The following USP54 variants were observed in gnomAD, a reference collection of about 807,000 sequenced individuals.
The protein encoded by USP54 is ubiquitin specific peptidase 54.
USP54 carries 87 observed loss-of-function variants against 170.5 expected under a neutral mutation model. The ratio of observed to expected loss-of-function variants is 0.51; its 90% CI spans 0.43 to 0.61. The LOEUF (loss-of-function observed/expected upper bound fraction) is 0.61, where lower values mean the gene tolerates loss of function less well. USP54 is among the 20% of genes least tolerant of loss of function. The pLI is 0.00. For missense variants in USP54, 1,786 were observed against 2,047.8 expected (o/e 0.87, Z 2.47); for synonymous variants, 655 against 742.8 (o/e 0.88, Z 1.92).
chr10:73,509,513 G>C (rs1383850592), intron 20 of USP54, among the ~76,000 whole-genome samples: 1 of 151,746 alleles, frequency 6.6e-6, no homozygotes, highest in Non-Finnish European at 1.5e-5. Flanking sequence ...TACTCAGGAG[G>C]CTGAGGCAGG....
At chr10:73,580,370 C>T (rs1339494875) in intron 1 of USP54, among the ~76,000 whole-genome samples, 3 of 150,236 alleles carry the variant, frequency 2.0e-5, no homozygotes, top group Non-Finnish European at 4.4e-5. Context: ...AAATGACACA[C>T]TTGGCAGTTA....
chr10:73,612,891 C>T (rs938377791), intron 1 of USP54, among the ~76,000 whole-genome samples: 3 of 149,006 alleles, frequency 2.0e-5, no homozygotes, highest in Non-Finnish European at 3.0e-5. Context: ...CGTGGTGGCA[C>T]ACACCTGTTA....
chr10:73,592,471 CA>C (rs367984467), upstream of USP54, among the ~76,000 whole-genome samples: 10,467 of 67,436 alleles, frequency 0.16, 428 homozygotes, highest in African/African-American at 0.27. Context: ...GAAAGTGCCA[CA>C]AAAAAAAAAA....
intron 16 of USP54, among the ~76,000 whole-genome samples, chr10:73,525,099 T>C (rs1413205812): frequency 1.3e-5 from 2 of 152,246 alleles, no homozygotes; most frequent in Non-Finnish European, 2.9e-5. Context: ...ATGCATAGTA[T>C]GACTTCATCT....
chr10:73,526,617 A>G, intron 16 of USP54, 30 bp downstream of exon 16: 1 of 1,612,124 alleles, frequency 6.2e-7, no homozygotes, highest in Non-Finnish European at 8.5e-7. Context: ...GGTCAAATCC[A>G]GTCCTCAAAT....
At chr10:73,525,210 C>T (rs1371437396) in intron 16 of USP54, among the ~76,000 whole-genome samples, 1 of 152,150 alleles carries the variant, frequency 6.6e-6, no homozygotes, top group Admixed American at 6.5e-5. Flanking sequence ...GCAATGGTAA[C>T]ACTGGCTCCT....
In USP54 at chr10:73,517,618, T is replaced by C. The variant is rs1207439874; in HGVS notation, c.2808A>G (p.Leu936=). 2 of 1,614,104 alleles carry C rather than the reference T, an allele frequency of 1.2e-6. No individual in the cohort carries two copies. The highest frequency in any genetic ancestry group is 1.6e-4 in the Middle Eastern group (1 of 6,062). ...PASCHESHSS[L]SPESSAPQHS... ...GCTGTGGGGCAGATGACTCTGGAGA[T>C]AGTGATGAGTGTGACTCATGGCAGG... is the stretch of plus-strand genomic sequence containing the variant. The change falls in exon 20 of 24, where the codon CTA becomes CTG. Residue 936 remains leucine, a synonymous_variant. Transcript: ENST00000687698.
intron 1 of USP54, among the ~76,000 whole-genome samples, chr10:73,601,559 TG>T (rs1182677440): frequency 5.3e-5 from 8 of 152,078 alleles, no homozygotes; most frequent in Non-Finnish European, 1.0e-4. Context: ...AATCATTTCC[TG>T]CTTCTCCCAG....
rs552531200 is a variant in USP54, at chr10:73,552,345, G to A, written c.241-6673C>T. ...GGAGAATTGCTTGAACCTAGGAGGCGGAGGTTGCAGTGAGCTGAGATCGTA... is the reference window on the plus strand; with the variant it reads ...GGAGAATTGCTTGAACCTAGGAGGCAGAGGTTGCAGTGAGCTGAGATCGTA... On this transcript the variant is annotated intron_variant, in intron 4 of 23. Coordinates refer to ENST00000687698, the MANE Select transcript of USP54 (RefSeq NM_001391956.1). Among the ~76,000 whole-genome samples, 31 of 151,796 alleles carry A rather than the reference G, an allele frequency of 2.0e-4. No individual in the cohort carries two copies. The South Asian group carries it at 5.2e-3, about 26-fold the overall frequency.
At chr10:73,534,863 G>C in intron 11 of USP54, 93 bp from the exon 12 acceptor site, 1 of 1,223,496 alleles carries the variant, frequency 8.2e-7, no homozygotes, top group Non-Finnish European at 1.2e-6. Flanking sequence ...AGCTCCATAA[G>C]GCAAGAACTT....
chr10:73,574,811 T>C (rs770486436), intron 3 of USP54, among the ~76,000 whole-genome samples: 2 of 150,270 alleles, frequency 1.3e-5, no homozygotes, highest in African/African-American at 2.5e-5. Context: ...GGAGCTGTGA[T>C]TGGGCCACTA....
In USP54 at chr10:73,575,822, A is replaced by G. The variant is rs2076043058; in HGVS notation, c.-42T>C. The G allele has an allele frequency of 7.6e-6, 6 of 786,066 alleles. No homozygotes were observed. Among genetic ancestry groups the G allele is most frequent in the Non-Finnish European group, 9.5e-6 (5 of 526,796 alleles). The allele number at this position is 786,066 out of a possible 1,614,324, so 48.7% of individuals were successfully genotyped here. A position where few individuals can be genotyped will look rare whatever the true frequency, so the allele number is the denominator to read the frequency against. On this transcript the variant is annotated 5_prime_UTR_variant, in exon 2 of 24. Coordinates refer to ENST00000687698, the MANE Select transcript of USP54 (RefSeq NM_001391956.1). ...CCTTCCAAATATCATCTGTGTAGTC[A>G]AGGGACTCAGGTATCCTCCTAGATC...
intron 4 of USP54, among the ~76,000 whole-genome samples, chr10:73,565,463 C>G (rs1474816006): frequency 3.9e-5 from 6 of 152,074 alleles, no homozygotes; most frequent in African/African-American, 1.2e-4. Context: ...CTGCAGTGAA[C>G]CATAATAGCC....
intron 3 of USP54, among the ~76,000 whole-genome samples, chr10:73,572,020 G>A (rs182756392): frequency 5.3e-5 from 8 of 152,032 alleles, no homozygotes; most frequent in Non-Finnish European, 1.0e-4. Flanking sequence ...TGTTGAAATG[G>A]GAAAAAAATA....
intron 1 of USP54, among the ~76,000 whole-genome samples, chr10:73,621,557 G>A (rs997374369): frequency 1.1e-4 from 15 of 138,748 alleles, no homozygotes; most frequent in South Asian, 2.4e-4. Context: ...CCAAGATTGC[G>A]CCACTGTACT....
Position 73,545,632 on chromosome 10 carries a change from A to G in USP54, c.281T>C (p.Leu94Pro). 1.9e-6 allele frequency: 3 copies of G among 1,614,200 alleles called. No homozygotes were observed. The highest frequency in any genetic ancestry group is 2.5e-6 in the Non-Finnish European group (3 of 1,180,018). ...NQFQCSSEKV[L>P]PSDTLRSALA... ...AGCACTGCGGAGAGTGTCAGATGGA[A>G]GCACTTTTTCACTACTACACTGAAA... is the stretch of plus-strand genomic sequence containing the variant. Residue 94 changes from leucine (L) to proline (P), a missense_variant, in exon 5 of 24, where the codon CTT becomes CCT. This residue lies in a region of USP54 where 361 missense variants were observed against 455.0 expected (regional missense o/e 0.79). Transcript: ENST00000687698.
chr10:73,533,525 T>C (rs937479588), intron 12 of USP54, among the ~76,000 whole-genome samples: 2 of 151,852 alleles, frequency 1.3e-5, no homozygotes, highest in Non-Finnish European at 2.9e-5. Flanking sequence ...CTATACAGTT[T>C]TGAATATCTT....
At position 73,523,465 on chromosome 10, in the gene USP54, T is replaced by C. The variant is rs1003898409; in HGVS notation, c.2362+118A>G. 5 of 1,284,880 alleles carry C rather than the reference T, an allele frequency of 3.9e-6. No homozygotes were observed. In the African/African-American group the frequency reaches 5.9e-5, roughly 15 times the overall value. The allele number at this position is 1,284,880 out of a possible 1,614,324, so 79.6% of individuals were successfully genotyped here. ...ACTTGTTCTCACTGGAATGGGTGAA[T>C]TAAGACTTAAAAAATTATTTTGCTA... is the stretch of plus-strand genomic sequence containing the variant. On this transcript the variant is annotated intron_variant, in intron 17 of 23. Coordinates refer to ENST00000687698, the MANE Select transcript of USP54 (RefSeq NM_001391956.1).
At chr10:73,591,801 A>G (rs971450545), upstream of USP54, among the ~76,000 whole-genome samples, 1 of 152,210 alleles carries the variant, frequency 6.6e-6, no homozygotes. Flanking sequence ...ACATTTTTGT[A>G]GTTGTTTACA....
Sources: allele counts gnomAD v4.1 joint callset (sites outside exome capture counted in the v4.1 genomes callset), GRCh38; gene constraint gnomAD v4.1.1; regional missense constraint gnomAD v4.1.1; transcripts MANE v1.5; gene names NCBI Gene and HGNC (gene_info 2026-07-23, HGNC 2026-07-21).